Variants in ATP13A4 observed in about 807,000 individuals in gnomAD.
The protein encoded by ATP13A4 is ATPase 13A4.
ATP13A4 carries 114 observed loss-of-function variants against 142.5 expected under a neutral mutation model. That is an observed-to-expected ratio of 0.80 (90% confidence interval 0.69 to 0.93). The LOEUF is 0.93. ATP13A4 is among the 40% of genes least tolerant of loss of function. The probability of loss-of-function intolerance (pLI) is 0.00; values close to 1 mark genes in which losing one functional copy is unlikely to be tolerated. For missense variants in ATP13A4, 1,392 were observed against 1,454.0 expected (o/e 0.96, Z 0.69); for synonymous variants, 488 against 514.8 (o/e 0.95, Z 0.70).
chr3:193,512,154 C>T (rs1721174031), intron 2 of ATP13A4, among the ~76,000 whole-genome samples: 1 of 152,118 alleles, frequency 6.6e-6, no homozygotes, highest in African/African-American at 2.4e-5. Context: ...AAAAGCGTTA[C>T]CCTCTGAGAA....
At chr3:193,578,644 T>A (rs989038917) in intron 2 of ATP13A4, among the ~76,000 whole-genome samples, 1 of 152,064 alleles carries the variant, frequency 6.6e-6, no homozygotes, top group Non-Finnish European at 1.5e-5. Context: ...CCTCACCCAG[T>A]GTGGGCATGC....
intron 2 of ATP13A4, among the ~76,000 whole-genome samples, chr3:193,571,477 A>G (rs1724265006): frequency 6.6e-6 from 1 of 152,112 alleles, no homozygotes; most frequent in Non-Finnish European, 1.5e-5. Flanking sequence ...AGTGTACAGT[A>G]TGAGGGGTGA....
chr3:193,514,024 C>T (rs560693695), intron 2 of ATP13A4, among the ~76,000 whole-genome samples: 1 of 152,238 alleles, frequency 6.6e-6, no homozygotes, highest in Non-Finnish European at 1.5e-5. Context: ...AAACTCACAA[C>T]TTTAAAAGAA....
chr3:193,517,427 G>A (rs1399669361), intron 1 of ATP13A4, among the ~76,000 whole-genome samples: 1 of 152,182 alleles, frequency 6.6e-6, no homozygotes, highest in Non-Finnish European at 1.5e-5. Flanking sequence ...GAGTAGGTGG[G>A]TGTGAAGCGA....
intron 25 of ATP13A4, among the ~76,000 whole-genome samples, chr3:193,433,520 A>C (rs1184609246): frequency 6.6e-6 from 1 of 152,178 alleles, no homozygotes; most frequent in South Asian, 2.1e-4. Flanking sequence ...CATTTTAACT[A>C]TAACTGTATC....
At chr3:193,566,233 T>G (rs1014812459) in intron 2 of ATP13A4, among the ~76,000 whole-genome samples, 5 of 152,178 alleles carry the variant, frequency 3.3e-5, no homozygotes, top group African/African-American at 1.2e-4. Context: ...AAATTCCACT[T>G]TCCCGTATTG....
intron 2 of ATP13A4, among the ~76,000 whole-genome samples, chr3:193,561,075 C>G (rs1431170213): frequency 2.0e-5 from 3 of 152,232 alleles, no homozygotes; most frequent in Admixed American, 1.3e-4. Flanking sequence ...TAGGAAAAAT[C>G]TGGGGCTCAA....
rs1014100511 is a variant in ATP13A4, at chr3:193,471,785, TTGCC to T, written c.809-796_809-793del. Among the ~76,000 whole-genome samples the T allele has an allele frequency of 2.0e-4, 30 of 152,322 alleles. No homozygotes were observed. In the South Asian group the frequency reaches 2.7e-3, roughly 14 times the overall value. The stretch of plus-strand genomic sequence containing the variant: ...ATGAAAGTTCTTCCCTGCTTCCTGA[TTGCC>T]TGCCTGCCTGCCTTTACTTCTTTTC... On this transcript the variant is annotated intron_variant, in intron 8 of 29. Coordinates refer to ENST00000342695, the MANE Select transcript of ATP13A4 (RefSeq NM_032279.4).
intron 12 of ATP13A4, among the ~76,000 whole-genome samples, chr3:193,463,992 G>A (rs1718114363): frequency 6.6e-6 from 1 of 152,196 alleles, no homozygotes; most frequent in South Asian, 2.1e-4. Context: ...GAATAGTAGT[G>A]ATGGTTGCAG....
At chr3:193,428,213 G>C (rs1186956430) in intron 25 of ATP13A4, among the ~76,000 whole-genome samples, 1 of 151,886 alleles carries the variant, frequency 6.6e-6, no homozygotes, top group African/African-American at 2.4e-5. Flanking sequence ...CTGGCCATCA[G>C]AGAAATGCAA....
intron 12 of ATP13A4, among the ~76,000 whole-genome samples, chr3:193,464,646 G>C (rs1718156334): frequency 6.6e-6 from 1 of 152,148 alleles, no homozygotes; most frequent in African/African-American, 2.4e-5. Context: ...TTTCGTCTTT[G>C]TATGAAGGTT....
intron 3 of ATP13A4, among the ~76,000 whole-genome samples, chr3:193,498,295 G>T (rs1397916150): frequency 1.3e-5 from 2 of 151,806 alleles, no homozygotes; most frequent in Admixed American, 1.3e-4. Context: ...TACTGAAAAA[G>T]ATTAGGCTGG....
At chr3:193,559,579 T>C (rs1723971160), upstream of ATP13A4, among the ~76,000 whole-genome samples, 1 of 152,246 alleles carries the variant, frequency 6.6e-6, no homozygotes, top group South Asian at 2.1e-4. Context: ...AATTAATTAA[T>C]GTTTGTAAAA....
At position 193,467,367 on chromosome 3, in the gene ATP13A4, G is replaced by A. The variant is rs371399885; in HGVS notation, c.1063C>T (p.Gln355Ter). The A allele has an allele frequency of 1.9e-6, 3 of 1,614,118 alleles. No individual in the cohort carries two copies. Among genetic ancestry groups the A allele is most frequent in the African/African-American group, 2.7e-5 (2 of 75,018 alleles). The part of the protein sequence containing the change: ...HVLFCGTEVI[Q>*]AKAACSGTVR... ...GTCCCAGAGCAAGCTGCCTTGGCCT[G>A]GATAACCTCTGTTCCACAGAAGAGG... Residue 355 changes from glutamine (Q) to a stop codon, truncating the protein, a stop_gained, in exon 10 of 30, where the codon CAG becomes TAG. Transcript: ENST00000342695. LOFTEE classifies it high-confidence loss of function.
intron 29 of ATP13A4, chr3:193,403,924 T>C (rs1714368829): frequency 3.0e-6 from 3 of 985,312 alleles, no homozygotes; most frequent in Admixed American, 6.1e-5. Flanking sequence ...TTGCCAGATA[T>C]AGTAGTTTTC....
intron 2 of ATP13A4, among the ~76,000 whole-genome samples, chr3:193,573,470 C>T (rs577121099): frequency 6.6e-6 from 1 of 151,826 alleles, no homozygotes; most frequent in Non-Finnish European, 1.5e-5. Flanking sequence ...GGGCCACAGG[C>T]AATTGGGAGT....
intron 25 of ATP13A4, among the ~76,000 whole-genome samples, chr3:193,419,588 C>CT (rs1234331663): frequency 1.4e-5 from 2 of 144,904 alleles, no homozygotes; most frequent in East Asian, 4.5e-4. Context: ...CAAGCCTGAG[C>CT]TAAAGCAGTG....
intron 2 of ATP13A4, among the ~76,000 whole-genome samples, chr3:193,576,666 T>C (rs1424203770): frequency 6.6e-6 from 1 of 152,218 alleles, no homozygotes; most frequent in Non-Finnish European, 1.5e-5. Flanking sequence ...GTTAAAGTTC[T>C]TAATTGCAAG....
At chr3:193,459,708 G>A (rs1717842511) in intron 13 of ATP13A4, among the ~76,000 whole-genome samples, 1 of 152,096 alleles carries the variant, frequency 6.6e-6, no homozygotes, top group African/African-American at 2.4e-5. Flanking sequence ...CAAAATGGTG[G>A]GATTACAGGC....
Sources: gnomAD v4.1 joint callset for allele counts (sites outside exome capture counted in the v4.1 genomes callset) on GRCh38, gnomAD v4.1.1 for gene constraint, MANE v1.5 for transcripts, NCBI Gene and HGNC (gene_info 2026-07-23, HGNC 2026-07-21) for gene names.